CFAP298: variants seen among roughly 807,000 people sequenced by gnomAD.
The protein encoded by CFAP298 is cilia- and flagella-associated protein 298.
CFAP298 carries 38 observed loss-of-function variants against 41.0 expected under a neutral mutation model. That is an observed-to-expected ratio of 0.93 (90% CI 0.72 to 1.22). The LOEUF is 1.22. CFAP298 is among the 50% of genes most tolerant of loss of function. The probability of loss-of-function intolerance (pLI) is 0.00; values close to 1 mark genes in which losing one functional copy is unlikely to be tolerated. For missense variants in CFAP298, 348 were observed against 360.3 expected, an observed-to-expected ratio of 0.97 and a Z score of 0.28; for synonymous variants, 137 against 135.3, an observed-to-expected ratio of 1.01 and a Z score of -0.09.
At chr21:32,607,812 T>C in intron 2 of CFAP298, 96 bp from the exon 3 acceptor site, 1 of 756,244 alleles carries the variant, frequency 1.3e-6, no homozygotes, top group Non-Finnish European at 2.2e-6. Context: ...AGGGGGTAAA[T>C]GAACTGAGAG....
intron 1 of CFAP298, among the ~76,000 whole-genome samples, chr21:32,611,165 G>T (rs566637861): frequency 6.6e-6 from 1 of 151,222 alleles, no homozygotes; most frequent in African/African-American, 2.4e-5. Context: ...TTAGCTGGGC[G>T]TGGTGGTGGG....
At chr21:32,603,440 T>G in intron 4 of CFAP298, 148 bp from the exon 5 acceptor site, 2 of 756,786 alleles carry the variant, frequency 2.6e-6, no homozygotes, top group Admixed American at 2.8e-5. Context: ...TCTAAGTCCT[T>G]GCTGACTTTA....
chr21:32,605,119 G>C (rs1471649154), intron 3 of CFAP298, among the ~76,000 whole-genome samples: 1 of 152,188 alleles, frequency 6.6e-6, no homozygotes, highest in African/African-American at 2.4e-5. Flanking sequence ...GCAGAGGTTG[G>C]AGTAAGCCAA....
intron 2 of CFAP298, among the ~76,000 whole-genome samples, chr21:32,609,483 G>A: frequency 6.6e-6 from 1 of 152,296 alleles, no homozygotes; most frequent in South Asian, 2.1e-4. Flanking sequence ...ATTTTTAAAC[G>A]TAAAGAACTG....
chr21:32,610,044 C>A (rs2038955756), intron 1 of CFAP298, 39 bp from the exon 2 acceptor site: 7 of 1,551,798 alleles, frequency 4.5e-6, no homozygotes, highest in Non-Finnish European at 6.2e-6. Context: ...AATCATAACA[C>A]CTCATACCCC....
In CFAP298 at chr21:32,609,658, A is replaced by C. The variant is rs1220898230; in HGVS notation, c.307+180T>G. Among the ~76,000 whole-genome samples, 3 of 152,288 alleles carry C rather than the reference A, an allele frequency of 2.0e-5. No individual in the cohort carries two copies. In the East Asian group the frequency reaches 5.8e-4, roughly 29 times the overall value. ...CACATGCCTGTAGTCCCAGCTACTC[A>C]AGAGGCGGAGGCAGGAGAATCGCTT... On this transcript the variant is annotated intron_variant, in intron 2 of 6. Transcript: ENST00000290155.
intron 5 of CFAP298, chr21:32,602,726 A>T: frequency 8.0e-7 from 1 of 1,252,930 alleles, no homozygotes; most frequent in Non-Finnish European, 1.0e-6. Flanking sequence ...GTGACGTAGG[A>T]GCACCCACAA....
rs780919228 is a variant in CFAP298 at position 32,602,322 on chromosome 21, C to T, written c.712G>A (p.Glu238Lys). 1.2e-6 allele frequency: 2 copies of T among 1,614,014 alleles called. No individual in the cohort carries two copies. The highest frequency in any genetic ancestry group is 3.3e-5 in the Admixed American group (2 of 60,034). The change falls in exon 6 of 7, where the codon GAG becomes AAG. Residue 238 changes from glutamate (E) to lysine (K), a missense_variant. Transcript: ENST00000290155. ...PAREPIISSE[E>K]QKQLMLYYHR... ...TAGTACAGCATCAGCTGCTTCTGCT[C>T]CTCACTGCTAATAATAGGCTCTCGG...
intron 5 of CFAP298, chr21:32,602,750 C>G: frequency 7.9e-7 from 1 of 1,264,458 alleles, no homozygotes; most frequent in Non-Finnish European, 1.0e-6. Context: ...CAAGGCGGCC[C>G]CTCAGGTTAC....
Position 32,601,744 on chromosome 21 carries a change from C to G in CFAP298, c.*119G>C, listed in dbSNP as rs2038743257. ...TTTAAAAATTCACACTAAAAGAAAA[C>G]TAGAAATGTTAACATCTTTTACAGA... On this transcript the variant is annotated 3_prime_UTR_variant, in exon 7 of 7. Coordinates refer to ENST00000290155, the MANE Select transcript of CFAP298 (RefSeq NM_021254.4). 1 of 584,752 alleles carries G rather than the reference C, an allele frequency of 1.7e-6. No individual in the cohort carries two copies. Among genetic ancestry groups the G allele is most frequent in the Non-Finnish European group, 3.0e-6 (1 of 328,858 alleles). 36.2% of individuals were successfully genotyped at this position (584,752 alleles called of 1,614,324 possible). A position where few individuals can be genotyped will look rare whatever the true frequency, so the allele number is the denominator to read the frequency against.
chr21:32,609,171 G>T (rs562099648), intron 2 of CFAP298, among the ~76,000 whole-genome samples: 1 of 152,042 alleles, frequency 6.6e-6, no homozygotes, highest in African/African-American at 2.4e-5. Context: ...AGTCCATCTC[G>T]AAAGATCCCC....
chr21:32,610,084 G>A (rs146402309), intron 1 of CFAP298, 79 bp from the exon 2 acceptor site: 6 of 1,305,870 alleles, frequency 4.6e-6, no homozygotes, highest in African/African-American at 1.5e-5. Context: ...AGAGTCAGGG[G>A]TCTTGCCCAT....
At position 32,599,449 on chromosome 21, in the gene CFAP298, C is replaced by A. The variant is rs984893834; in HGVS notation, c.*2414G>T. Among the ~76,000 whole-genome samples the A allele has an allele frequency of 6.6e-6, 1 of 152,164 alleles. No homozygotes were observed. ...TATGTCAAAGGACAAAACCACAGAC[C>A]TAGATGGGCACCGTGCATACAGCAG... On this transcript the variant is annotated 3_prime_UTR_variant, in exon 7 of 7. Coordinates refer to ENST00000290155, the MANE Select transcript of CFAP298 (RefSeq NM_021254.4).
intron 2 of CFAP298, among the ~76,000 whole-genome samples, chr21:32,608,224 C>CAA (rs751998741): frequency 5.9e-4 from 55 of 93,914 alleles, no homozygotes; most frequent in South Asian, 1.6e-3. Context: ...GCTTAGAAGC[C>CAA]AAAAAAAAAA....
Position 32,600,898 on chromosome 21 carries a change from G to A in CFAP298, c.*965C>T, listed in dbSNP as rs1041877760. ...AAGAATTTAAGTTTCAAAGTCAGAT[G>A]AGTTTGCTACTCAACCTTCATCATG... On this transcript the variant is annotated 3_prime_UTR_variant, in exon 7 of 7. Coordinates refer to ENST00000290155, the MANE Select transcript of CFAP298 (RefSeq NM_021254.4). Among the ~76,000 whole-genome samples the A allele has an allele frequency of 5.9e-5, 9 of 152,226 alleles. No individual in the cohort carries two copies. The highest frequency in any genetic ancestry group is 2.2e-4 in the African/African-American group (9 of 41,464).
At position 32,603,276 on chromosome 21, in the gene CFAP298, A is replaced by C; in HGVS notation, c.551T>G (p.Ile184Ser). ...CCACAGCTGCGCCTCTGCCTCTTTAATGACGTTGAGCCCTGCCTGGGGCCA... is the reference window on the plus strand; with the variant it reads ...CCACAGCTGCGCCTCTGCCTCTTTACTGACGTTGAGCCCTGCCTGGGGCCA... ...LSGTQAGLNV[I>S]KEAEAQLWWA... Residue 184 changes from isoleucine (I) to serine (S), a missense_variant, in exon 5 of 7, where the codon ATT (isoleucine) becomes AGT (serine). Transcript: ENST00000290155. 7 of 1,613,814 alleles carry C rather than the reference A, an allele frequency of 4.3e-6. No homozygotes were observed. Among genetic ancestry groups the C allele is most frequent in the Non-Finnish European group, 5.9e-6 (7 of 1,179,818 alleles).
intron 3 of CFAP298, chr21:32,604,533 A>G (rs988901404): frequency 4.2e-6 from 2 of 478,972 alleles, no homozygotes; most frequent in Non-Finnish European, 7.6e-6. Flanking sequence ...TCAAAGGAGA[A>G]AGAGCCCAAT....
intron 1 of CFAP298, 67 bp downstream of exon 1, chr21:32,612,038 G>GC: frequency 6.9e-7 from 1 of 1,457,194 alleles, no homozygotes; most frequent in Non-Finnish European, 9.1e-7. Flanking sequence ...GGCCCACCCT[G>GC]CCCCTCTTTC....
intron 4 of CFAP298, among the ~76,000 whole-genome samples, chr21:32,603,888 G>A (rs2038808069): frequency 6.6e-6 from 1 of 152,196 alleles, no homozygotes; most frequent in South Asian, 2.1e-4. Flanking sequence ...CACTCCTGAT[G>A]AGCGGCCTCA....
Sources: allele counts gnomAD v4.1 joint callset (sites outside exome capture counted in the v4.1 genomes callset), GRCh38; gene constraint gnomAD v4.1.1; transcripts MANE v1.5; gene names NCBI Gene and HGNC (gene_info 2026-07-23, HGNC 2026-07-21).